The following RALGPS2 variants were observed in gnomAD, a reference collection of about 807,000 sequenced individuals.
RALGPS2 encodes ras-specific guanine nucleotide-releasing factor RalGPS2.
In RALGPS2, 43 loss-of-function variants were observed where a neutral mutation model predicts 86.8. That is an observed-to-expected ratio of 0.50 (90% CI 0.39 to 0.64). The LOEUF (loss-of-function observed/expected upper bound fraction) is 0.64, where lower values mean the gene tolerates loss of function less well. Ranked by LOEUF, RALGPS2 falls within the 30% of genes least tolerant of loss-of-function variation. The pLI, the probability that RALGPS2 is intolerant of heterozygous loss-of-function variation, is 0.00. For missense variants in RALGPS2, 536 were observed against 694.6 expected, an observed-to-expected ratio of 0.77 and a Z score of 2.57; for synonymous variants, 243 against 231.3, an observed-to-expected ratio of 1.05 and a Z score of -0.46.
At chr1:178,834,075 T>A (rs1262589850) in intron 8 of RALGPS2, among the ~76,000 whole-genome samples, 1 of 152,178 alleles carries the variant, frequency 6.6e-6, no homozygotes, top group East Asian at 1.9e-4. Flanking sequence ...TATCTTGTAG[T>A]GCTTATAAAT....
At chr1:178,775,783 A>G (rs539777896) in intron 1 of RALGPS2, among the ~76,000 whole-genome samples, 1 of 152,268 alleles carries the variant, frequency 6.6e-6, no homozygotes, top group East Asian at 1.9e-4. Context: ...GCAAATCAAC[A>G]TAATGTATTA....
intron 4 of RALGPS2, among the ~76,000 whole-genome samples, chr1:178,807,274 G>A (rs373943312): frequency 6.6e-6 from 1 of 152,170 alleles, no homozygotes; most frequent in African/African-American, 2.4e-5. Flanking sequence ...AGATAAAGCT[G>A]CAGCGAACTA....
chr1:178,855,289 A>T (rs1354085132), intron 8 of RALGPS2, among the ~76,000 whole-genome samples: 1 of 143,800 alleles, frequency 7.0e-6, no homozygotes, highest in Non-Finnish European at 1.5e-5. Context: ...TTCCGTGAGG[A>T]CAGAGACTTT....
intron 6 of RALGPS2, among the ~76,000 whole-genome samples, chr1:178,814,691 C>G (rs970266668): frequency 3.9e-5 from 6 of 152,130 alleles, no homozygotes; most frequent in Non-Finnish European, 7.4e-5. Context: ...CTCAAGTGAT[C>G]CTCCCATGTT....
chr1:178,896,715 G>A (rs1659962005), intron 16 of RALGPS2, among the ~76,000 whole-genome samples: 1 of 145,056 alleles, frequency 6.9e-6, no homozygotes, highest in African/African-American at 2.6e-5. Context: ...TGCGGTGTTT[G>A]GTTTTTTGTT....
At chr1:178,849,272 C>A (rs1398721215) in intron 8 of RALGPS2, among the ~76,000 whole-genome samples, 1 of 152,146 alleles carries the variant, frequency 6.6e-6, no homozygotes, top group African/African-American at 2.4e-5. Flanking sequence ...TCATATAATA[C>A]CGCTTCTTAT....
chr1:178,774,354 A>G lies in RALGPS2; in HGVS notation c.-83-2328A>G, dbSNP rs1171647860. Among the ~76,000 whole-genome samples, 4 of 152,334 alleles carry G rather than the reference A, an allele frequency of 2.6e-5. No homozygotes were observed. The East Asian group carries it at 5.8e-4, about 22-fold the overall frequency. On this transcript the variant is annotated intron_variant, in intron 1 of 19. Transcript: ENST00000367635. ...TATTTTAATATTGTTCCTGGTCTGT[A>G]TTACATTTTTTTAAGTAAAAGTAAT... is the stretch of plus-strand genomic sequence containing the variant.
In RALGPS2 at chr1:178,920,367, G is replaced by A. The variant is rs1001367486; in HGVS notation, c.*4008G>A. The A allele has an allele frequency of 2.0e-5, 3 of 151,936 alleles. No individual in the cohort carries two copies. Among genetic ancestry groups the A allele is most frequent in the African/African-American group, 7.2e-5 (3 of 41,408 alleles). The allele number at this position is 151,936 out of a possible 1,614,324, so 9.4% of individuals were successfully genotyped here. A position where few individuals can be genotyped will look rare whatever the true frequency, so the allele number is the denominator to read the frequency against. ...TCAGGTTATAGTGGGGAGAAAATTT[G>A]GTCAGTGCCTTATTATTTGAAGAGC... is the stretch of plus-strand genomic sequence containing the variant. On this transcript the variant is annotated 3_prime_UTR_variant, in exon 20 of 20. Coordinates refer to ENST00000367635, the MANE Select transcript of RALGPS2 (RefSeq NM_152663.5).
chr1:178,783,681 C>T (rs1653505337), intron 2 of RALGPS2, among the ~76,000 whole-genome samples: 1 of 152,004 alleles, frequency 6.6e-6, no homozygotes, highest in Non-Finnish European at 1.5e-5. Context: ...CATATCCTAC[C>T]ACCATTTAAT....
chr1:178,725,893 C>T (rs1649962180), intron 1 of RALGPS2: 1 of 152,346 alleles, frequency 6.6e-6, no homozygotes. Context: ...CGGCTGCGCC[C>T]AGAAGCCTGG....
chr1:178,838,479 A>G (rs1034325366), intron 8 of RALGPS2, among the ~76,000 whole-genome samples: 1 of 152,240 alleles, frequency 6.6e-6, no homozygotes, highest in African/African-American at 2.4e-5. Flanking sequence ...TGTTAGAAGC[A>G]AAACTAACAG....
intron 1 of RALGPS2, among the ~76,000 whole-genome samples, chr1:178,770,160 G>C (rs533215788): frequency 3.4e-4 from 51 of 152,044 alleles, no homozygotes; most frequent in African/African-American, 1.2e-3. Flanking sequence ...GGGACTACAG[G>C]TGCACACCAC....
At chr1:178,845,101 C>CAA (rs769062978) in intron 8 of RALGPS2, among the ~76,000 whole-genome samples, 78 of 85,522 alleles carry the variant, frequency 9.1e-4, no homozygotes, top group African/African-American at 2.5e-3. Flanking sequence ...GACTCCATCT[C>CAA]AAAAAAAAAA....
At chr1:178,877,006 TA>T (rs1398153610) in intron 8 of RALGPS2, among the ~76,000 whole-genome samples, 1 of 152,122 alleles carries the variant, frequency 6.6e-6, no homozygotes. Flanking sequence ...TAAAAACAAA[TA>T]TTAAATAATT....
At chr1:178,763,467 TC>T (rs1465352798) in intron 1 of RALGPS2, among the ~76,000 whole-genome samples, 1 of 152,266 alleles carries the variant, frequency 6.6e-6, no homozygotes, top group Non-Finnish European at 1.5e-5. Flanking sequence ...TATTGAGTCT[TC>T]CTAGCCATGA....
At chr1:178,848,398 A>G (rs561247860) in intron 8 of RALGPS2, among the ~76,000 whole-genome samples, 48 of 152,338 alleles carry the variant, frequency 3.2e-4, no homozygotes, top group African/African-American at 1.1e-3. Context: ...ACTGAAGATA[A>G]GGCAAACCCA....
At chr1:178,729,048 T>TA (rs1650190993) in intron 1 of RALGPS2, among the ~76,000 whole-genome samples, 1 of 152,166 alleles carries the variant, frequency 6.6e-6, no homozygotes, top group African/African-American at 2.4e-5. Context: ...CAGAGAAACT[T>TA]TTGGTACTGG....
At position 178,801,418 on chromosome 1, in the gene RALGPS2, T is replaced by G. The variant is rs183623140; in HGVS notation, c.214-6627T>G. ...TAATACAGAGATTATTATGTGCCAG[T>G]CTAAAGGCTTTATACATATCAACCC... On this transcript the variant is annotated intron_variant, in intron 4 of 19. Coordinates refer to ENST00000367635, the MANE Select transcript of RALGPS2 (RefSeq NM_152663.5). Among the ~76,000 whole-genome samples the G allele has an allele frequency of 2.0e-5, 3 of 152,296 alleles. No homozygotes were observed. The East Asian group carries it at 5.8e-4, about 29-fold the overall frequency.
intron 10 of RALGPS2, among the ~76,000 whole-genome samples, chr1:178,882,833 A>G (rs897414576): frequency 6.6e-6 from 1 of 152,242 alleles, no homozygotes; most frequent in African/African-American, 2.4e-5. Context: ...GGAATTTTGC[A>G]AACAACATTT....
Sources: gnomAD v4.1 joint callset for allele counts (sites outside exome capture counted in the v4.1 genomes callset) on GRCh38, gnomAD v4.1.1 for gene constraint, MANE v1.5 for transcripts, NCBI Gene and HGNC (gene_info 2026-07-23, HGNC 2026-07-21) for gene names.